Variants in DNM2 observed in about 807,000 individuals in gnomAD.
The protein encoded by DNM2 is dynamin-2.
Under a neutral mutation model 99.0 loss-of-function variants are expected in DNM2, and 15 were observed. The ratio of observed to expected loss-of-function variants is 0.15; its 90% CI spans 0.10 to 0.23. The LOEUF is 0.23. DNM2 is among the 10% of genes least tolerant of loss of function. The pLI, the probability that DNM2 is intolerant of heterozygous loss-of-function variation, is 1.00. For missense variants in DNM2, 742 were observed against 1,189.4 expected (o/e 0.62, Z 5.53); for synonymous variants, 525 against 481.2 (o/e 1.09, Z -1.19).
chr19:10,752,730 C>A (rs984834323), intron 1 of DNM2, among the ~76,000 whole-genome samples: 1 of 152,234 alleles, frequency 6.6e-6, no homozygotes, highest in Non-Finnish European at 1.5e-5. Flanking sequence ...ATGGAGCCAG[C>A]AGACCCATTT....
intron 5 of DNM2, 79 bp from the exon 6 acceptor site, chr19:10,782,881 C>T: frequency 1.3e-6 from 2 of 1,598,324 alleles, no homozygotes; most frequent in Non-Finnish European, 1.7e-6. Context: ...CATCTCTATA[C>T]TTGAATCTTG....
intron 11 of DNM2, among the ~76,000 whole-genome samples, chr19:10,799,534 G>GTTTTTTTTTTT (rs897961120): frequency 9.4e-6 from 1 of 106,520 alleles, no homozygotes; most frequent in African/African-American, 3.7e-5. Flanking sequence ...GTGGTTTTTT[G>GTTTTTTTTTTT]TTTTTTTTTT....
intron 1 of DNM2, among the ~76,000 whole-genome samples, chr19:10,734,592 T>C (rs1464345156): frequency 1.5e-5 from 2 of 135,452 alleles, no homozygotes; most frequent in African/African-American, 2.9e-5. Flanking sequence ...TGAGTGATGA[T>C]TGCACCATTG....
In DNM2 at chr19:10,798,592, T is replaced by C. The variant is rs931851480; in HGVS notation, c.1422+20T>C. On this transcript the variant is annotated intron_variant, in intron 11 of 20. Coordinates refer to ENST00000389253, the MANE Select transcript of DNM2 (RefSeq NM_001005361.3). The stretch of plus-strand genomic sequence containing the variant: ...GACCAGGTACTGGCCTTTTGTCTTC[T>C]TTATTGGGTATAATTTACATGCAGT... 1 of 1,613,932 alleles carries C rather than the reference T, an allele frequency of 6.2e-7. No homozygotes were observed.
chr19:10,726,698 T>C (rs1374422642), intron 1 of DNM2, among the ~76,000 whole-genome samples: 1 of 152,148 alleles, frequency 6.6e-6, no homozygotes, highest in Non-Finnish European at 1.5e-5. Flanking sequence ...CCCTCATCTC[T>C]ACTAAAAATA....
chr19:10,745,816 G>A (rs570177222), intron 1 of DNM2, among the ~76,000 whole-genome samples: 1 of 152,348 alleles, frequency 6.6e-6, no homozygotes, highest in Non-Finnish European at 1.5e-5. Context: ...ACCTCTCTGA[G>A]GAGGTGACAT....
chr19:10,807,952 G>A (rs2072408822), intron 13 of DNM2, among the ~76,000 whole-genome samples: 1 of 148,762 alleles, frequency 6.7e-6, no homozygotes, highest in Non-Finnish European at 1.5e-5. Context: ...AGAACAGCCT[G>A]GCCAACATGG....
intron 1 of DNM2, among the ~76,000 whole-genome samples, chr19:10,746,925 C>T (rs772106043): frequency 2.0e-5 from 3 of 151,826 alleles, no homozygotes; most frequent in East Asian, 1.9e-4. Context: ...TTAGTAGAGA[C>T]GGAGTTTCTC....
chr19:10,828,849 C>T (rs1423579106), intron 18 of DNM2, 187 bp from the exon 19 acceptor site: 12 of 616,822 alleles, frequency 1.9e-5, no homozygotes, highest in African/African-American at 3.7e-5. Flanking sequence ...TACTTGAACC[C>T]GGGAGGCGGA....
intron 1 of DNM2, among the ~76,000 whole-genome samples, chr19:10,738,740 G>A (rs1281280122): frequency 2.0e-5 from 3 of 151,904 alleles, no homozygotes; most frequent in African/African-American, 7.3e-5. Flanking sequence ...CGTGGTGGTG[G>A]GTGCCTGTAA....
chr19:10,786,525 C>G, intron 6 of DNM2, 39 bp from the exon 7 acceptor site: 1 of 1,613,346 alleles, frequency 6.2e-7, no homozygotes, highest in Non-Finnish European at 8.5e-7. Context: ...GGTATCCTGC[C>G]CATGCCACCC....
intron 11 of DNM2, among the ~76,000 whole-genome samples, chr19:10,800,696 G>A (rs2072104168): frequency 2.0e-5 from 3 of 152,260 alleles, no homozygotes; most frequent in Admixed American, 1.3e-4. Flanking sequence ...GTCCAGTGAC[G>A]CGCATCCCAG....
chr19:10,734,111 T>G (rs899207744), intron 1 of DNM2, among the ~76,000 whole-genome samples: 1 of 151,980 alleles, frequency 6.6e-6, no homozygotes, highest in South Asian at 2.1e-4. Context: ...TCTCAGCACT[T>G]TGGGAGGCCA....
intron 16 of DNM2, among the ~76,000 whole-genome samples, chr19:10,821,932 G>A (rs924651712): frequency 4.6e-5 from 7 of 152,286 alleles, no homozygotes; most frequent in South Asian, 2.1e-4. Flanking sequence ...GGAGCTACAA[G>A]GGCATGCCTC....
Position 10,779,502 on chromosome 19 carries a change from C to CTTTTTTTTTTTTTTTTTTTTTTTT in DNM2, c.688+2288_688+2311dup, listed in dbSNP as rs55819116. On this transcript the variant is annotated intron_variant, in intron 5 of 20. Coordinates refer to ENST00000389253, the MANE Select transcript of DNM2 (RefSeq NM_001005361.3). Reference sequence around the variant, plus strand: ...TCTTTCTTTCTTTCTTTCTTTCTTTCTTTTTTTTTTTTTTTTTTTTTTTTT... The same window carrying CTTTTTTTTTTTTTTTTTTTTTTTT: ...TCTTTCTTTCTTTCTTTCTTTCTTTCTTTTTTTTTTTTTTTTTTTTTTTTTTTTTTTTTTTTTTTTTTTTTTTTT... Among the ~76,000 whole-genome samples, 182 of 29,628 alleles carry CTTTTTTTTTTTTTTTTTTTTTTTT rather than the reference C, an allele frequency of 6.1e-3. 7 individuals carry two copies. Among genetic ancestry groups the CTTTTTTTTTTTTTTTTTTTTTTTT allele is most frequent in the Admixed American group, 7.1e-3 (12 of 1,690 alleles). The allele number at this position is 29,628 out of a possible 152,430, so 19.4% of individuals were successfully genotyped here.
intron 1 of DNM2, among the ~76,000 whole-genome samples, chr19:10,740,575 C>T (rs576028004): frequency 3.9e-5 from 6 of 152,172 alleles, no homozygotes; most frequent in Non-Finnish European, 7.3e-5. Context: ...GGGGTTTCAC[C>T]ATGTTGGTGA....
chr19:10,818,689 C>T lies in DNM2; in HGVS notation c.1672-1291C>T, dbSNP rs936682520. Among the ~76,000 whole-genome samples, 3 of 152,178 alleles carry T rather than the reference C, an allele frequency of 2.0e-5. No homozygotes were observed. The highest frequency in any genetic ancestry group is 6.5e-5 in the Admixed American group (1 of 15,280). ...CTGTGGCTGCTCCTGAACTTGGAGG[C>T]GGCAGCCAGGTTAGGCTTTGTGCTG... is the stretch of plus-strand genomic sequence containing the variant. On this transcript the variant is annotated intron_variant, in intron 15 of 20. Transcript: ENST00000389253. This position sits in a 1 kb window ranked among gnomAD's most constrained non-coding sequence, Gnocchi z 4.3.
chr19:10,811,772 A>C lies in DNM2; in HGVS notation c.1558-492A>C. On this transcript the variant is annotated intron_variant, in intron 14 of 20. Coordinates refer to ENST00000389253, the MANE Select transcript of DNM2 (RefSeq NM_001005361.3). The surrounding 1 kb of genome is among the most constrained non-coding windows in gnomAD (Gnocchi z 5.4). ...TCCCAGCCTGAAACCCTGATGTGTC[A>C]GTCAAAAGGATGACCACCAGGCTTG... 1 of 518,624 alleles carries C rather than the reference A, an allele frequency of 1.9e-6. No homozygotes were observed. The highest frequency in any genetic ancestry group is 3.8e-6 in the Non-Finnish European group (1 of 259,792). The allele number at this position is 518,624 out of a possible 1,614,324, so 32.1% of individuals were successfully genotyped here.
In DNM2 at chr19:10,797,484, A is replaced by T; in HGVS notation, c.1301A>T (p.Glu434Val). ...SLKCVDLVVS[E>V]LATVIKKCAE... Reference sequence around the variant, plus strand: ...AAGTGTGTTGATCTCGTGGTCTCAGAGCTGGCCACGGTCATAAAAAAGTGT... The same window carrying T: ...AAGTGTGTTGATCTCGTGGTCTCAGTGCTGGCCACGGTCATAAAAAAGTGT... Residue 434 changes from glutamate to valine, a missense_variant, in exon 10 of 21, where the codon GAG (glutamate) becomes GTG (valine). Transcript: ENST00000389253. The T allele has an allele frequency of 6.7e-7, 1 of 1,492,528 alleles. No individual in the cohort carries two copies. Among genetic ancestry groups the T allele is most frequent in the Non-Finnish European group, 8.9e-7 (1 of 1,119,934 alleles). 92.5% of individuals were successfully genotyped at this position (1,492,528 alleles called of 1,614,324 possible).
Sources: allele counts gnomAD v4.1 joint callset (sites outside exome capture counted in the v4.1 genomes callset), GRCh38; gene constraint gnomAD v4.1.1; non-coding constraint Gnocchi (gnomAD v3.1); transcripts MANE v1.5; gene names NCBI Gene and HGNC (gene_info 2026-07-23, HGNC 2026-07-21).